BCL11B: variants seen among roughly 807,000 people sequenced by gnomAD.
BCL11B encodes B-cell lymphoma/leukemia 11B.
In BCL11B, 8 loss-of-function variants were observed where a neutral mutation model predicts 49.9. The ratio of observed to expected loss-of-function variants is 0.16; its 90% CI spans 0.09 to 0.29. The LOEUF is 0.29. Ranked by LOEUF, BCL11B falls within the 10% of genes least tolerant of loss-of-function variation. The pLI, the probability that BCL11B is intolerant of heterozygous loss-of-function variation, is 1.00. For missense variants in BCL11B, 1,006 were observed against 1,351.0 expected (o/e 0.74, Z 4.00); for synonymous variants, 739 against 637.4 (o/e 1.16, Z -2.40).
At chr14:99,203,180 T>C (rs1887436505) in intron 3 of BCL11B, among the ~76,000 whole-genome samples, 1 of 152,148 alleles carries the variant, frequency 6.6e-6, no homozygotes, top group Non-Finnish European at 1.5e-5. Context: ...GTTCCCGTTC[T>C]CGTTCCCCAT....
At chr14:99,196,863 C>T (rs1887193703) in intron 3 of BCL11B, among the ~76,000 whole-genome samples, 2 of 152,206 alleles carry the variant, frequency 1.3e-5, no homozygotes, top group Non-Finnish European at 2.9e-5. Context: ...ACCTCATAAA[C>T]CAGGTGCTTT....
At position 99,271,224 on chromosome 14, in the gene BCL11B, C is replaced by T; in HGVS notation, c.-6G>A. The T allele has an allele frequency of 2.0e-6, 3 of 1,523,744 alleles. No homozygotes were observed. Among genetic ancestry groups the T allele is most frequent in the East Asian group, 2.7e-5 (1 of 36,900 alleles). The allele number at this position is 1,523,744 out of a possible 1,614,324, so 94.4% of individuals were successfully genotyped here. On this transcript the variant is annotated 5_prime_UTR_variant, in exon 1 of 4. Transcript: ENST00000357195. ...CCCTGTTTGCGGCGGGACATTGCCCCGGCATCTATTCTGGCATCGCCCGGA... is the reference window on the plus strand; with the variant it reads ...CCCTGTTTGCGGCGGGACATTGCCCTGGCATCTATTCTGGCATCGCCCGGA...
chr14:99,262,895 CAATT>C lies in BCL11B; in HGVS notation c.59-5060_59-5057del, dbSNP rs771951588. The stretch of plus-strand genomic sequence containing the variant: ...GGGTGGAGGGGGAGAGAGCAGGAAT[CAATT>C]CTTGGTGGAGAAAATAATCTATGAC... On this transcript the variant is annotated intron_variant, in intron 1 of 3. Coordinates refer to ENST00000357195, the MANE Select transcript of BCL11B (RefSeq NM_138576.4). This position sits in a 1 kb window ranked among gnomAD's most constrained non-coding sequence, Gnocchi z 4.2. 5.3e-5 allele frequency: 8 copies of C among 152,120 alleles called. No individual in the cohort carries two copies. The highest frequency in any genetic ancestry group is 1.9e-4 in the African/African-American group (8 of 41,384). The allele number at this position is 152,120 out of a possible 1,614,324, so 9.4% of individuals were successfully genotyped here.
intron 2 of BCL11B, among the ~76,000 whole-genome samples, chr14:99,244,224 C>G (rs1160672539): frequency 1.3e-5 from 2 of 152,136 alleles, no homozygotes; most frequent in Admixed American, 6.5e-5. Flanking sequence ...CAGCCTCTCC[C>G]TCAGTGTACC....
At chr14:99,183,790 GA>G (rs1348614847) in intron 3 of BCL11B, among the ~76,000 whole-genome samples, 3 of 151,664 alleles carry the variant, frequency 2.0e-5, no homozygotes. Context: ...CTAGACCTGG[GA>G]GGACACCGCA....
intron 3 of BCL11B, among the ~76,000 whole-genome samples, chr14:99,207,970 G>A (rs1164945767): frequency 6.6e-6 from 1 of 152,212 alleles, no homozygotes; most frequent in Non-Finnish European, 1.5e-5. Context: ...CACCAGCGGA[G>A]CAGCATTATT....
intron 2 of BCL11B, among the ~76,000 whole-genome samples, chr14:99,243,126 A>G (rs1028445973): frequency 6.6e-6 from 1 of 152,212 alleles, no homozygotes; most frequent in Non-Finnish European, 1.5e-5. Flanking sequence ...TAGGGTATTC[A>G]GGTCAAGAGC....
rs1209489238 is a variant in BCL11B at position 99,205,968 on chromosome 14, T to G, written c.640+25377A>C. 6.6e-6 allele frequency among the ~76,000 whole-genome samples: 1 copy of G among 152,052 alleles called. No individual in the cohort carries two copies. Among genetic ancestry groups the G allele is most frequent in the Non-Finnish European group, 1.5e-5 (1 of 68,010 alleles). On this transcript the variant is annotated intron_variant, in intron 3 of 3. Coordinates refer to ENST00000357195, the MANE Select transcript of BCL11B (RefSeq NM_138576.4). The surrounding 1 kb of genome is among the most constrained non-coding windows in gnomAD (Gnocchi z 5.0). Reference sequence around the variant, plus strand: ...AGGGGAGTCTTGTGGGAAGGGAGCCTGAAGTACCCCCGATACCCTCAACAG... The same window carrying G: ...AGGGGAGTCTTGTGGGAAGGGAGCCGGAAGTACCCCCGATACCCTCAACAG...
Position 99,174,688 on chromosome 14 carries a change from C to T in BCL11B, c.2148G>A (p.Ala716=), listed in dbSNP as rs772657790. The part of the protein sequence containing the change: ...NVYSQWLVGY[A]ASRHFMKDPF... ...GGTCCTTCATGAAGTGCCGCGACGC[C>T]GCGTAGCCCACCAGCCACTGCGAGT... The change falls in exon 4 of 4, where the codon GCG becomes GCA. Residue 716 remains alanine (A), a synonymous_variant. Coordinates refer to ENST00000357195, the MANE Select transcript of BCL11B (RefSeq NM_138576.4). 5 of 1,574,330 alleles carry T rather than the reference C, an allele frequency of 3.2e-6. No individual in the cohort carries two copies. Among genetic ancestry groups the T allele is most frequent in the East Asian group, 2.5e-5 (1 of 40,746 alleles).
intron 2 of BCL11B, among the ~76,000 whole-genome samples, chr14:99,238,046 C>T (rs1391528838): frequency 6.6e-6 from 1 of 152,134 alleles, no homozygotes; most frequent in East Asian, 1.9e-4. Context: ...AGATTCCCCA[C>T]AGGCCACCCA....
At chr14:99,212,308 G>A (rs2462917) in intron 3 of BCL11B, among the ~76,000 whole-genome samples, 15,994 of 151,376 alleles carry the variant, frequency 0.11, 1,306 homozygotes, top group African/African-American at 0.22. Flanking sequence ...TGCAGCTCAA[G>A]CCCCATGTTG....
At chr14:99,196,623 C>A (rs1887187051) in intron 3 of BCL11B, among the ~76,000 whole-genome samples, 1 of 152,138 alleles carries the variant, frequency 6.6e-6, no homozygotes. Context: ...TGACAGATGC[C>A]CCCCAAGATT....
In BCL11B at chr14:99,199,683, T is replaced by TGTGCGCGCGC. The variant is rs759599743; in HGVS notation, c.641-23489_641-23488insGCGCGCGCAC. ...GTGTGTGTGTGTGTGTGTGTGTGTGTGCGCGCGCGCGCGCACGTGCACGTG... is the reference window on the plus strand; with the variant it reads ...GTGTGTGTGTGTGTGTGTGTGTGTGTGTGCGCGCGCGCGCGCGCGCGCGCACGTGCACGTG... On this transcript the variant is annotated intron_variant, in intron 3 of 3. Transcript: ENST00000357195. 2.6e-3 allele frequency among the ~76,000 whole-genome samples: 195 copies of TGTGCGCGCGC among 73,724 alleles called. 3 individuals carry two copies. The highest frequency in any genetic ancestry group is 5.6e-3 in the African/African-American group (166 of 29,686). The allele number at this position is 73,724 out of a possible 152,430, so 48.4% of individuals were successfully genotyped here. A position where few individuals can be genotyped will look rare whatever the true frequency, so the allele number is the denominator to read the frequency against.
At chr14:99,220,033 C>T (rs1887962793) in intron 3 of BCL11B, among the ~76,000 whole-genome samples, 1 of 152,284 alleles carries the variant, frequency 6.6e-6, no homozygotes, top group Admixed American at 6.5e-5. Flanking sequence ...GTTGCCACAT[C>T]CCTGAGAGGC....
rs1424658212 is a variant in BCL11B, at chr14:99,192,072, C to A, written c.641-15877G>T. Among the ~76,000 whole-genome samples the A allele has an allele frequency of 6.6e-6, 1 of 152,062 alleles. No individual in the cohort carries two copies. The highest frequency in any genetic ancestry group is 1.5e-5 in the Non-Finnish European group (1 of 68,014). ...CGAGGCCTTCAAGAACGTGCTAGCT[C>A]CGGAATATTTTTAGAACAATCACTG... On this transcript the variant is annotated intron_variant, in intron 3 of 3. Coordinates refer to ENST00000357195, the MANE Select transcript of BCL11B (RefSeq NM_138576.4). This position sits in a 1 kb window ranked among gnomAD's most constrained non-coding sequence, Gnocchi z 4.0.
intron 1 of BCL11B, among the ~76,000 whole-genome samples, chr14:99,267,963 T>C (rs1403963697): frequency 1.3e-5 from 2 of 152,194 alleles, no homozygotes. Flanking sequence ...TACTCTTCCC[T>C]TCACCCTGGC....
chr14:99,201,861 G>C (rs1887393945), intron 3 of BCL11B, among the ~76,000 whole-genome samples: 1 of 152,170 alleles, frequency 6.6e-6, no homozygotes, highest in Admixed American at 6.5e-5. Flanking sequence ...CTATGCCAGG[G>C]TGCCCCCAAG....
intron 3 of BCL11B, among the ~76,000 whole-genome samples, chr14:99,215,457 G>A (rs1270759889): frequency 6.6e-6 from 1 of 152,212 alleles, no homozygotes; most frequent in Non-Finnish European, 1.5e-5. Context: ...AGAATCGGCT[G>A]GCCGTGAAAA....
chr14:99,244,715 T>C (rs1224744386), intron 2 of BCL11B, among the ~76,000 whole-genome samples: 1 of 152,228 alleles, frequency 6.6e-6, no homozygotes, highest in Admixed American at 6.5e-5. Context: ...GACAAATGCC[T>C]TCAGATTCCT....
Sources: allele counts gnomAD v4.1 joint callset (sites outside exome capture counted in the v4.1 genomes callset), GRCh38; gene constraint gnomAD v4.1.1; non-coding constraint Gnocchi (gnomAD v3.1); transcripts MANE v1.5; gene names NCBI Gene and HGNC (gene_info 2026-07-23, HGNC 2026-07-21).